Variants in LAMP3 observed in about 807,000 individuals in gnomAD.
LAMP3 encodes the protein lysosome-associated membrane glycoprotein 3.
In LAMP3, 26 loss-of-function variants were observed where a neutral mutation model predicts 34.8. The observed-to-expected ratio is 0.75, with a 90% CI of 0.55 to 1.04. The LOEUF (loss-of-function observed/expected upper bound fraction) is 1.04, where lower values mean the gene tolerates loss of function less well. LAMP3 is among the 50% of genes least tolerant of loss of function. LAMP3 has a pLI of 0.00. For missense variants in LAMP3, 495 were observed against 524.0 expected, an observed-to-expected ratio of 0.94 and a Z score of 0.54; for synonymous variants, 180 against 201.9, an observed-to-expected ratio of 0.89 and a Z score of 0.92.
chr3:183,138,240 G>A (rs1192541161), intron 4 of LAMP3, among the ~76,000 whole-genome samples: 2 of 152,110 alleles, frequency 1.3e-5, no homozygotes, highest in East Asian at 3.9e-4. Flanking sequence ...TCCTAAGTGA[G>A]GAGACAGATC....
At chr3:183,149,266 G>T (rs1472442375) in intron 3 of LAMP3, among the ~76,000 whole-genome samples, 1 of 151,986 alleles carries the variant, frequency 6.6e-6, no homozygotes, top group Non-Finnish European at 1.5e-5. Flanking sequence ...AATGGGCTGG[G>T]CACGGTGGCT....
At position 183,154,029 on chromosome 3, in the gene LAMP3, TG is replaced by T; in HGVS notation, c.411del (p.Ile138SerfsTer37). 6.2e-7 allele frequency: 1 copy of T among 1,614,016 alleles called. No homozygotes were observed. Among genetic ancestry groups the T allele is most frequent in the Non-Finnish European group, 8.5e-7 (1 of 1,179,994 alleles). On this transcript the variant is annotated frameshift_variant, in exon 2 of 6. Coordinates refer to ENST00000265598, the MANE Select transcript of LAMP3 (RefSeq NM_014398.4). LOFTEE classifies it high-confidence loss of function. Reference sequence around the variant, plus strand: ...CCAGTTGTATGAGCTGGTGGGGTGATGGTGGGTGGCAGTGAATAAGGGGCTA... The same window carrying T: ...CCAGTTGTATGAGCTGGTGGGGTGATGTGGGTGGCAGTGAATAAGGGGCTA... ...PSLAPYSLPP[T>X]ITPPAHTTGT...
Position 183,123,974 on chromosome 3 carries a change from T to C in LAMP3, c.*107A>G. ...TTCATTTGAATAGAAGATGGTGGTT[T>C]ACATTGTTTGAAGGACCCACACTCT... On this transcript the variant is annotated 3_prime_UTR_variant, in exon 6 of 6. Transcript: ENST00000265598. 1 of 1,207,768 alleles carries C rather than the reference T, an allele frequency of 8.3e-7. No homozygotes were observed. The highest frequency in any genetic ancestry group is 1.3e-5 in the South Asian group (1 of 75,014). 74.8% of individuals were successfully genotyped at this position (1,207,768 alleles called of 1,614,324 possible).
chr3:183,148,008 C>A (rs1720498151), intron 3 of LAMP3, among the ~76,000 whole-genome samples: 1 of 152,180 alleles, frequency 6.6e-6, no homozygotes, highest in Non-Finnish European at 1.5e-5. Flanking sequence ...TGAGTCACCA[C>A]TCCAGCCAAG....
chr3:183,132,040 CTGCAA>C, intron 5 of LAMP3: 1 of 985,264 alleles, frequency 1.0e-6, no homozygotes, highest in Non-Finnish European at 1.2e-6. Context: ...CCCTCCTGTC[CTGCAA>C]TGGTCCAAAT....
chr3:183,139,469 C>T (rs1720206806), intron 4 of LAMP3, among the ~76,000 whole-genome samples: 2 of 151,842 alleles, frequency 1.3e-5, no homozygotes, highest in Admixed American at 6.6e-5. Flanking sequence ...CAACCCAAGA[C>T]CCCCAGTGTA....
chr3:183,162,393 AC>A (rs1219177727), intron 1 of LAMP3, among the ~76,000 whole-genome samples: 1 of 152,042 alleles, frequency 6.6e-6, no homozygotes, highest in Non-Finnish European at 1.5e-5. Flanking sequence ...GGTGTCCAGA[AC>A]CCTTTTGGAA....
chr3:183,131,355 T>C (rs1289093319), intron 5 of LAMP3, among the ~76,000 whole-genome samples: 1 of 152,218 alleles, frequency 6.6e-6, no homozygotes, highest in Admixed American at 6.5e-5. Flanking sequence ...TCCTCTGCCC[T>C]ACAGAACTTT....
intron 5 of LAMP3, among the ~76,000 whole-genome samples, chr3:183,124,924 T>C (rs1043870174): frequency 2.0e-5 from 3 of 152,380 alleles, no homozygotes; most frequent in Admixed American, 6.5e-5. Context: ...TTATCCACTT[T>C]ATAAAACATT....
At chr3:183,160,818 T>C (rs946233855) in intron 1 of LAMP3, 1 of 152,254 alleles carries the variant, frequency 6.6e-6, no homozygotes, top group African/African-American at 2.4e-5. Flanking sequence ...TGTGCTTCTA[T>C]TTCCTCGCAA....
At position 183,148,527 on chromosome 3, in the gene LAMP3, A is replaced by T. The variant is rs891124425; in HGVS notation, c.888+3848T>A. On this transcript the variant is annotated intron_variant, in intron 3 of 5. Transcript: ENST00000265598. ...CTAATAATTTGATTAAAAAAATTAA[A>T]TGCAAAAGATCTGAACAGACATTTC... 2.2e-4 allele frequency among the ~76,000 whole-genome samples: 34 copies of T among 152,354 alleles called. 1 individual carries two copies. Among genetic ancestry groups the T allele is most frequent in the African/African-American group, 7.7e-4 (32 of 41,588 alleles).
intron 3 of LAMP3, among the ~76,000 whole-genome samples, chr3:183,147,724 T>A (rs1433559719): frequency 1.3e-5 from 2 of 152,108 alleles, no homozygotes; most frequent in African/African-American, 2.4e-5. Flanking sequence ...TATTGATTGA[T>A]GTCTTTTAGA....
rs200780819 is a variant in LAMP3 at position 183,124,695 on chromosome 3, G to GGT, written c.1118-483_1118-482dup. Among the ~76,000 whole-genome samples, 973 of 152,240 alleles carry GGT rather than the reference G, an allele frequency of 6.4e-3. 15 individuals are homozygous for GGT. Among genetic ancestry groups the GGT allele is most frequent in the African/African-American group, 0.022 (895 of 41,538 alleles). ...TAAGAATACAAAATTAGCCGGGCGT[G>GGT]GTGGCACATGCCTGTAATCCCAGCT... On this transcript the variant is annotated intron_variant, in intron 5 of 5. Transcript: ENST00000265598.
intron 3 of LAMP3, among the ~76,000 whole-genome samples, chr3:183,149,088 C>A (rs975047825): frequency 2.0e-5 from 3 of 151,920 alleles, no homozygotes; most frequent in African/African-American, 7.3e-5. Flanking sequence ...ATAAGCCAGG[C>A]ACAGAAAGAC....
At chr3:183,139,387 CAAAAA>C (rs35474952) in intron 4 of LAMP3, among the ~76,000 whole-genome samples, 2 of 81,240 alleles carry the variant, frequency 2.5e-5, no homozygotes, top group Non-Finnish European at 2.7e-5. Context: ...GAGACTGTCT[CAAAAA>C]AAAAAAAAAA....
intron 1 of LAMP3, 143 bp downstream of exon 1, chr3:183,162,464 C>T: frequency 2.5e-6 from 2 of 803,770 alleles, no homozygotes; most frequent in South Asian, 1.5e-5. Context: ...TCACGGAAAA[C>T]AAGTTCCAGC....
At chr3:183,126,704 C>T (rs977009220) in intron 5 of LAMP3, among the ~76,000 whole-genome samples, 1 of 152,006 alleles carries the variant, frequency 6.6e-6, no homozygotes, top group African/African-American at 2.4e-5. Context: ...ACCCCAAGAC[C>T]ATCCACCAAG....
chr3:183,137,077 G>A (rs1720120264), intron 4 of LAMP3, among the ~76,000 whole-genome samples: 1 of 152,050 alleles, frequency 6.6e-6, no homozygotes, highest in African/African-American at 2.4e-5. Flanking sequence ...CAGCACTTTG[G>A]GAGGCTGAGG....
Position 183,132,868 on chromosome 3 carries a change from G to A in LAMP3, c.1117+2849C>T, listed in dbSNP as rs375951484. 1.9e-5 allele frequency: 19 copies of A among 985,426 alleles called. No homozygotes were observed. In the Admixed American group the frequency reaches 3.1e-4, roughly 16 times the overall value. The allele number at this position is 985,426 out of a possible 1,614,324, so 61.0% of individuals were successfully genotyped here. A position where few individuals can be genotyped will look rare whatever the true frequency, so the allele number is the denominator to read the frequency against. Reference sequence around the variant, plus strand: ...GCCTCTTTCTGGCCACCAGACATGCGGTTAGCAAAATGACAAGCAGTCCTG... The same window carrying A: ...GCCTCTTTCTGGCCACCAGACATGCAGTTAGCAAAATGACAAGCAGTCCTG... On this transcript the variant is annotated intron_variant, in intron 5 of 5. Transcript: ENST00000265598.
Sources: gnomAD v4.1 joint callset for allele counts (sites outside exome capture counted in the v4.1 genomes callset) on GRCh38, gnomAD v4.1.1 for gene constraint, MANE v1.5 for transcripts, NCBI Gene and HGNC (gene_info 2026-07-23, HGNC 2026-07-21) for gene names.